The following DCC variants were observed in gnomAD, a reference collection of about 807,000 sequenced individuals.
The protein encoded by DCC is netrin receptor DCC.
A neutral mutation model predicts 172.5 loss-of-function variants in DCC; 58 were observed. That is an observed-to-expected ratio of 0.34 (90% CI 0.27 to 0.42). The LOEUF is 0.42. Among genes scored for constraint, DCC ranks in the 10% least tolerant of loss-of-function variants. The pLI is 1.00. For missense variants in DCC, 1,740 were observed against 1,791.0 expected (o/e 0.97, Z 0.51); for synonymous variants, 709 against 644.5 (o/e 1.10, Z -1.52).
chr18:52,414,999 A>G (rs1249278015), intron 1 of DCC, among the ~76,000 whole-genome samples: 1 of 152,222 alleles, frequency 6.6e-6, no homozygotes, highest in Non-Finnish European at 1.5e-5. Flanking sequence ...GTAGGTAGAG[A>G]AATAAAATCT....
chr18:53,316,058 G>A (rs1157301944), intron 13 of DCC, among the ~76,000 whole-genome samples: 1 of 151,048 alleles, frequency 6.6e-6, no homozygotes, highest in Non-Finnish European at 1.5e-5. Flanking sequence ...TATGTCCTAG[G>A]TTTTCTTCTA....
At chr18:52,717,746 C>T (rs1286255884) in intron 1 of DCC, among the ~76,000 whole-genome samples, 1 of 152,082 alleles carries the variant, frequency 6.6e-6, no homozygotes, top group East Asian at 1.9e-4. Flanking sequence ...ACTTAAAAGA[C>T]ATATTTATTT....
At chr18:53,054,705 G>A (rs1360160641) in intron 5 of DCC, among the ~76,000 whole-genome samples, 1 of 152,098 alleles carries the variant, frequency 6.6e-6, no homozygotes, top group East Asian at 1.9e-4. Context: ...AAAGAAAATT[G>A]TGTGGAGAGA....
chr18:52,471,780 A>G (rs139616185), intron 1 of DCC, among the ~76,000 whole-genome samples: 1 of 152,216 alleles, frequency 6.6e-6, no homozygotes, highest in South Asian at 2.1e-4. Flanking sequence ...CATGGACAAG[A>G]CTAATAAAGA....
chr18:52,692,359 AAACCTCTGCCCT>A (rs1454627731), intron 1 of DCC, among the ~76,000 whole-genome samples: 1 of 152,128 alleles, frequency 6.6e-6, no homozygotes, highest in Non-Finnish European at 1.5e-5. Context: ...AGTACCTCCT[AAACCTCTGCCCT>A]ATAGACATTC....
At chr18:52,787,081 G>T (rs78139846) in intron 2 of DCC, among the ~76,000 whole-genome samples, 1 of 152,024 alleles carries the variant, frequency 6.6e-6, no homozygotes, top group Non-Finnish European at 1.5e-5. Context: ...ATTATTAAAA[G>T]CTTTAAAAAG....
intron 1 of DCC, among the ~76,000 whole-genome samples, chr18:52,597,216 G>C (rs1264809572): frequency 1.3e-5 from 2 of 152,152 alleles, no homozygotes; most frequent in East Asian, 1.9e-4. Flanking sequence ...GTTTCATCTT[G>C]CTGTTAACGA....
At chr18:52,613,727 C>T (rs530711235) in intron 1 of DCC, among the ~76,000 whole-genome samples, 10 of 152,188 alleles carry the variant, frequency 6.6e-5, no homozygotes, top group African/African-American at 7.2e-5. Context: ...TTCTCTCTTC[C>T]GCATAGGAAC....
chr18:53,055,826 G>T (rs2042396635), intron 5 of DCC, among the ~76,000 whole-genome samples: 1 of 151,986 alleles, frequency 6.6e-6, no homozygotes, highest in Non-Finnish European at 1.5e-5. Context: ...CATCATCACA[G>T]CACCTTCCTT....
chr18:53,297,045 G>T (rs1372844749), intron 12 of DCC, among the ~76,000 whole-genome samples: 1 of 152,222 alleles, frequency 6.6e-6, no homozygotes, highest in African/African-American at 2.4e-5. Context: ...GAATGTCAGT[G>T]TGCAGTAGGA....
At chr18:52,490,909 C>T (rs552020803) in intron 1 of DCC, among the ~76,000 whole-genome samples, 1 of 152,160 alleles carries the variant, frequency 6.6e-6, no homozygotes, top group African/African-American at 2.4e-5. Flanking sequence ...TTTTCAGACA[C>T]GATGTTCAGG....
chr18:53,172,025 A>G (rs1341126337), intron 8 of DCC, among the ~76,000 whole-genome samples: 1 of 152,168 alleles, frequency 6.6e-6, no homozygotes, highest in Admixed American at 6.6e-5. Context: ...CAGCAATCCT[A>G]TTAACTGGTA....
In DCC at chr18:53,499,004, T is replaced by G. The variant is rs114905589; in HGVS notation, c.3899-294T>G. ...CTCTTTTTTCTCGCTTCATCACTTA[T>G]GATTAGAGGGCCCAGACAGTTCAAG... is the stretch of plus-strand genomic sequence containing the variant. On this transcript the variant is annotated intron_variant, in intron 26 of 28. Transcript: ENST00000442544. Among the ~76,000 whole-genome samples the G allele has an allele frequency of 1.8e-3, 269 of 152,330 alleles. 2 individuals carry two copies. The highest frequency in any genetic ancestry group is 6.2e-3 in the African/African-American group (259 of 41,570).
At chr18:53,179,321 C>T (rs757219680) in intron 9 of DCC, among the ~76,000 whole-genome samples, 3 of 152,146 alleles carry the variant, frequency 2.0e-5, no homozygotes, top group Non-Finnish European at 2.9e-5. Flanking sequence ...ACCGTAATGG[C>T]AAATTAACCT....
At chr18:53,465,715 T>G (rs1015345717) in intron 24 of DCC, among the ~76,000 whole-genome samples, 1 of 152,238 alleles carries the variant, frequency 6.6e-6, no homozygotes, top group African/African-American at 2.4e-5. Flanking sequence ...CTTTGGACAC[T>G]ATAATTTTTC....
chr18:52,937,129 A>G (rs1019759420), intron 5 of DCC, among the ~76,000 whole-genome samples: 2 of 152,072 alleles, frequency 1.3e-5, no homozygotes, highest in Non-Finnish European at 2.9e-5. Context: ...TTCACATTCC[A>G]CCCGTGGTAT....
chr18:52,649,973 A>ATTT lies in DCC; in HGVS notation c.92-102061_92-102059dup, dbSNP rs71175512. Among the ~76,000 whole-genome samples, 269 of 106,820 alleles carry ATTT rather than the reference A, an allele frequency of 2.5e-3. 2 individuals are homozygous for ATTT. Among genetic ancestry groups the ATTT allele is most frequent in the East Asian group, 8.4e-3 (30 of 3,572 alleles). The allele number at this position is 106,820 out of a possible 152,430, so 70.1% of individuals were successfully genotyped here. A position where few individuals can be genotyped will look rare whatever the true frequency, so the allele number is the denominator to read the frequency against. ...GATTTCTGAATCAGATGATAGTTCTATTTTTTTTTTTTTTTTTTTTTTGAG... is the reference window on the plus strand; with the variant it reads ...GATTTCTGAATCAGATGATAGTTCTATTTTTTTTTTTTTTTTTTTTTTTTTGAG... On this transcript the variant is annotated intron_variant, in intron 1 of 28. Transcript: ENST00000442544.
At chr18:52,845,698 T>C (rs2038876142) in intron 2 of DCC, among the ~76,000 whole-genome samples, 1 of 152,210 alleles carries the variant, frequency 6.6e-6, no homozygotes, top group African/African-American at 2.4e-5. Flanking sequence ...AATAGAAGTT[T>C]TAGAAGAAAA....
At chr18:52,386,441 A>T (rs1176402796) in intron 1 of DCC, among the ~76,000 whole-genome samples, 1 of 151,994 alleles carries the variant, frequency 6.6e-6, no homozygotes, top group African/African-American at 2.4e-5. Flanking sequence ...TCAGTAAATG[A>T]TGTTTTTTCT....
Sources: gnomAD v4.1 joint callset for allele counts (sites outside exome capture counted in the v4.1 genomes callset) on GRCh38, gnomAD v4.1.1 for gene constraint, MANE v1.5 for transcripts, NCBI Gene and HGNC (gene_info 2026-07-23, HGNC 2026-07-21) for gene names.